Variants in NRXN1 observed in about 807,000 individuals in gnomAD.
The protein encoded by NRXN1 is neurexin 1, also known as neurexin-1.
A neutral mutation model predicts 150.9 loss-of-function variants in NRXN1; 39 were observed. The ratio of observed to expected loss-of-function variants is 0.26; its 90% CI spans 0.20 to 0.34. The LOEUF is 0.34. Ranked by LOEUF, NRXN1 falls within the 10% of genes least tolerant of loss-of-function variation. The probability of loss-of-function intolerance (pLI) is 1.00; values close to 1 mark genes in which losing one functional copy is unlikely to be tolerated. For missense variants in NRXN1, 1,815 were observed against 1,949.9 expected, an observed-to-expected ratio of 0.93 and a Z score of 1.30; for synonymous variants, 924 against 757.0, an observed-to-expected ratio of 1.22 and a Z score of -3.62.
intron 5 of NRXN1, among the ~76,000 whole-genome samples, chr2:50,662,507 C>T (rs1687440161): frequency 6.6e-6 from 1 of 151,928 alleles, no homozygotes; most frequent in South Asian, 2.1e-4. Flanking sequence ...ACCTGTAGGC[C>T]GCAGGAGGCC....
At chr2:50,664,574 C>T (rs1217215428) in intron 5 of NRXN1, among the ~76,000 whole-genome samples, 1 of 151,616 alleles carries the variant, frequency 6.6e-6, no homozygotes, top group African/African-American at 2.4e-5. Context: ...CCTTGATTCG[C>T]TTGAAAAATT....
rs1440585331 is a variant in NRXN1, at chr2:50,696,208, GTGTGTA to G, written c.833-72599_833-72594del. 1,026 of 143,226 alleles carry G rather than the reference GTGTGTA, an allele frequency of 7.2e-3. 17 individuals are homozygous for G. Among genetic ancestry groups the G allele is most frequent in the African/African-American group, 0.022 (851 of 39,194 alleles). The allele number at this position is 143,226 out of a possible 1,614,324, so 8.9% of individuals were successfully genotyped here. A position where few individuals can be genotyped will look rare whatever the true frequency, so the allele number is the denominator to read the frequency against. ...TGTGTGTGTGTGTGTGTGTGTGTGT[GTGTGTA>G]TGTATACACATATGCTATATACACA... On this transcript the variant is annotated intron_variant, in intron 5 of 22. Transcript: ENST00000401669.
intron 8 of NRXN1, among the ~76,000 whole-genome samples, chr2:50,618,616 T>G (rs1199717680): frequency 6.6e-6 from 1 of 152,020 alleles, no homozygotes; most frequent in African/African-American, 2.4e-5. Context: ...TTGTTAGTTG[T>G]GTGACCTTCC....
chr2:50,448,328 T>A (rs1360247985), intron 17 of NRXN1, among the ~76,000 whole-genome samples: 1 of 152,162 alleles, frequency 6.6e-6, no homozygotes, highest in Non-Finnish European at 1.5e-5. Flanking sequence ...CTCCCTCCAA[T>A]TAAAGAATAG....
chr2:50,565,948 T>C (rs1043058505), intron 8 of NRXN1, among the ~76,000 whole-genome samples: 1 of 152,176 alleles, frequency 6.6e-6, no homozygotes, highest in African/African-American at 2.4e-5. Context: ...TACTGGCTTA[T>C]TGAAGACTCC....
At chr2:50,131,538 CCAA>C (rs1705495820) in intron 18 of NRXN1, among the ~76,000 whole-genome samples, 1 of 152,018 alleles carries the variant, frequency 6.6e-6, no homozygotes, top group Non-Finnish European at 1.5e-5. Flanking sequence ...TCTGTGATCT[CCAA>C]AGAGCTGTGC....
At chr2:49,961,410 A>T (rs116404667) in intron 21 of NRXN1, among the ~76,000 whole-genome samples, 2,397 of 152,126 alleles carry the variant, frequency 0.016, 34 homozygotes, top group Non-Finnish European at 0.025. Flanking sequence ...TCAAAACTGC[A>T]GTAGAGCTTC....
At chr2:50,589,793 G>C (rs562347317) in intron 8 of NRXN1, among the ~76,000 whole-genome samples, 1 of 151,930 alleles carries the variant, frequency 6.6e-6, no homozygotes, top group African/African-American at 2.4e-5. Context: ...GAGCTGGGTA[G>C]AGACAAGATT....
In NRXN1 at chr2:50,030,404, A is replaced by G. The variant is rs572683680; in HGVS notation, c.4128+22867T>C. Among the ~76,000 whole-genome samples the G allele has an allele frequency of 2.6e-5, 4 of 152,230 alleles. No homozygotes were observed. In the South Asian group the frequency reaches 6.2e-4, roughly 24 times the overall value. Reference sequence around the variant, plus strand: ...TGCCCCCATCTCCCAGTCTCTGTGGACACATAGGAGTCTATCATAAGTGAA... The same window carrying G: ...TGCCCCCATCTCCCAGTCTCTGTGGGCACATAGGAGTCTATCATAAGTGAA... On this transcript the variant is annotated intron_variant, in intron 21 of 22. Transcript: ENST00000401669.
chr2:50,417,692 T>C (rs541833844), intron 17 of NRXN1, among the ~76,000 whole-genome samples: 4 of 151,924 alleles, frequency 2.6e-5, no homozygotes, highest in African/African-American at 9.6e-5. Flanking sequence ...ATAACTTGTT[T>C]GGTGGGGAGG....
At chr2:50,242,764 T>G (rs1392447781) in intron 17 of NRXN1, among the ~76,000 whole-genome samples, 1 of 151,686 alleles carries the variant, frequency 6.6e-6, no homozygotes, top group South Asian at 2.1e-4. Context: ...TTAAGACTTC[T>G]GGTGGGAGGG....
rs2093499231 is a variant in NRXN1, at chr2:50,546,598, G to A, written c.1759+5989C>T. Among the ~76,000 whole-genome samples the A allele has an allele frequency of 5.9e-5, 9 of 151,976 alleles. No individual in the cohort carries two copies. The South Asian group carries it at 1.9e-3, about 31-fold the overall frequency. ...TATATAATGTTAACAAAAACTGAAG[G>A]AAAATGTACAAATATAAAAAATACT... is the stretch of plus-strand genomic sequence containing the variant. On this transcript the variant is annotated intron_variant, in intron 9 of 22. Transcript: ENST00000401669.
chr2:50,599,130 G>C (rs1048433576), intron 8 of NRXN1, among the ~76,000 whole-genome samples: 1 of 152,048 alleles, frequency 6.6e-6, no homozygotes, highest in Non-Finnish European at 1.5e-5. Context: ...CACAAAAACC[G>C]TATCTGTAGA....
intron 17 of NRXN1, among the ~76,000 whole-genome samples, chr2:50,374,244 G>A (rs2080321738): frequency 6.6e-6 from 1 of 151,638 alleles, no homozygotes; most frequent in African/African-American, 2.4e-5. Flanking sequence ...GCTGTAGTGA[G>A]CATGCTATTG....
intron 21 of NRXN1, among the ~76,000 whole-genome samples, chr2:49,997,158 G>C (rs534027437): frequency 6.6e-6 from 1 of 152,078 alleles, no homozygotes; most frequent in Non-Finnish European, 1.5e-5. Flanking sequence ...TCAACACGGT[G>C]GGTGGACAGT....
intron 17 of NRXN1, among the ~76,000 whole-genome samples, chr2:50,374,549 C>T (rs1341211947): frequency 6.6e-6 from 1 of 152,014 alleles, no homozygotes; most frequent in Non-Finnish European, 1.5e-5. Context: ...TAACTAAGAG[C>T]TTCCACTGAA....
At chr2:50,633,943 T>C (rs115203072) in intron 5 of NRXN1, among the ~76,000 whole-genome samples, 2,430 of 152,060 alleles carry the variant, frequency 0.016, 76 homozygotes, top group African/African-American at 0.056. Context: ...TATGAGACAA[T>C]GATGATTAAA....
At chr2:50,348,838 T>A (rs1410627653) in intron 17 of NRXN1, among the ~76,000 whole-genome samples, 2 of 100,060 alleles carry the variant, frequency 2.0e-5, no homozygotes, top group Non-Finnish European at 4.4e-5. Context: ...GTGGCTGGAC[T>A]TTTTTTTTTT....
chr2:50,311,596 A>G (rs1447990328), intron 17 of NRXN1, among the ~76,000 whole-genome samples: 2 of 152,132 alleles, frequency 1.3e-5, no homozygotes, highest in African/African-American at 2.4e-5. Flanking sequence ...GGAAATCATA[A>G]GCTCAAAAGG....
Sources: allele counts gnomAD v4.1 joint callset (sites outside exome capture counted in the v4.1 genomes callset), GRCh38; gene constraint gnomAD v4.1.1; transcripts MANE v1.5; gene names NCBI Gene and HGNC (gene_info 2026-07-23, HGNC 2026-07-21).